Variants in STRN3 observed in about 807,000 individuals in gnomAD.
STRN3 encodes striatin-3.
A neutral mutation model predicts 95.6 loss-of-function variants in STRN3; 29 were observed. The observed-to-expected ratio is 0.30, with a 90% confidence interval of 0.23 to 0.41. The LOEUF (loss-of-function observed/expected upper bound fraction) is 0.41, where lower values mean the gene tolerates loss of function less well. STRN3 is among the 10% of genes least tolerant of loss of function. The probability of loss-of-function intolerance (pLI) is 1.00; values close to 1 mark genes in which losing one functional copy is unlikely to be tolerated. For synonymous variants in STRN3, 331 were observed against 357.6 expected (o/e 0.93, Z 0.84); for missense variants, 890 against 972.1 (o/e 0.92, Z 1.12).
intron 1 of STRN3, among the ~76,000 whole-genome samples, chr14:30,959,882 C>CATT (rs1380468579): frequency 1.3e-5 from 2 of 152,080 alleles, no homozygotes; most frequent in African/African-American, 4.8e-5. Flanking sequence ...TTAACAAAGG[C>CATT]ATTAAAGACA....
intron 1 of STRN3, among the ~76,000 whole-genome samples, chr14:30,975,555 A>AAG (rs71112366): frequency 0.19 from 27,738 of 143,204 alleles, 3,211 homozygotes; most frequent in Non-Finnish European, 0.26. Flanking sequence ...AAAAAAAAAA[A>AAG]AAGAAGAAGA....
At chr14:31,016,734 G>A (rs192761951) in intron 1 of STRN3, among the ~76,000 whole-genome samples, 8 of 152,118 alleles carry the variant, frequency 5.3e-5, no homozygotes, top group South Asian at 2.1e-4. Context: ...TAGTAGAAAC[G>A]GCGTTTCACC....
intron 7 of STRN3, among the ~76,000 whole-genome samples, chr14:30,929,965 A>AAAAAAAAAAAAAAAC (rs1878423009): frequency 2.8e-5 from 4 of 143,360 alleles, no homozygotes; most frequent in African/African-American, 5.2e-5. Flanking sequence ...AAAAAAAAAA[A>AAAAAAAAAAAAAAAC]AAAAAAAAAA....
intron 1 of STRN3, among the ~76,000 whole-genome samples, chr14:30,997,246 A>G (rs925540437): frequency 6.6e-6 from 1 of 152,140 alleles, no homozygotes; most frequent in Non-Finnish European, 1.5e-5. Context: ...AAAATCTTCA[A>G]TCCCCAGTGT....
intron 1 of STRN3, chr14:31,025,683 G>T: frequency 1.4e-6 from 1 of 693,266 alleles, no homozygotes; most frequent in Non-Finnish European, 2.3e-6. Flanking sequence ...GAGGAGGCCC[G>T]CACCGCGTAG....
intron 9 of STRN3, among the ~76,000 whole-genome samples, chr14:30,916,553 G>A (rs1896744972): frequency 6.6e-6 from 1 of 152,032 alleles, no homozygotes; most frequent in Non-Finnish European, 1.5e-5. Context: ...GGGATTACAG[G>A]TGTGAGCCAC....
chr14:30,913,738 A>C, intron 9 of STRN3, 81 bp from the exon 10 acceptor site: 1 of 1,436,636 alleles, frequency 7.0e-7, no homozygotes, highest in Non-Finnish European at 9.4e-7. Flanking sequence ...TTAAGCACTT[A>C]ACAGTTACAA....
intron 1 of STRN3, among the ~76,000 whole-genome samples, chr14:31,011,922 A>AC (rs1882987294): frequency 1.3e-5 from 2 of 151,988 alleles, no homozygotes; most frequent in South Asian, 2.1e-4. Flanking sequence ...TCTACCAAAA[A>AC]TAAAAAAAAA....
rs541247450 is a variant in STRN3 at position 30,981,916 on chromosome 14, G to C, written c.283-25674C>G. Among the ~76,000 whole-genome samples, 5 of 152,046 alleles carry C rather than the reference G, an allele frequency of 3.3e-5. No homozygotes were observed. The South Asian group carries it at 1.0e-3, about 32-fold the overall frequency. Reference sequence around the variant, plus strand: ...TCGAGACCAGCCTGGCCAACATGGTGAAACCCCATCTCTACTAAAAATACA... The same window carrying C: ...TCGAGACCAGCCTGGCCAACATGGTCAAACCCCATCTCTACTAAAAATACA... On this transcript the variant is annotated intron_variant, in intron 1 of 17. Coordinates refer to ENST00000357479, the MANE Select transcript of STRN3 (RefSeq NM_001083893.2).
At chr14:31,019,688 T>C (rs1051768908) in intron 1 of STRN3, among the ~76,000 whole-genome samples, 2 of 152,054 alleles carry the variant, frequency 1.3e-5, no homozygotes, top group Admixed American at 6.6e-5. Flanking sequence ...TCAGGCTTCA[T>C]GGGCATTCTA....
At chr14:30,975,201 T>C (rs1594524457) in intron 1 of STRN3, among the ~76,000 whole-genome samples, 2 of 150,630 alleles carry the variant, frequency 1.3e-5, no homozygotes, top group East Asian at 1.9e-4. Context: ...AAATGTGATA[T>C]ACCATGGAAT....
rs559788339 is a variant in STRN3, at chr14:31,024,376, G to C, written c.282+1528C>G. Among the ~76,000 whole-genome samples the C allele has an allele frequency of 2.0e-5, 3 of 152,286 alleles. No homozygotes were observed. In the South Asian group the frequency reaches 6.2e-4, roughly 32 times the overall value. On this transcript the variant is annotated intron_variant, in intron 1 of 17. Coordinates refer to ENST00000357479, the MANE Select transcript of STRN3 (RefSeq NM_001083893.2). ...TTAAGTTTGCAGTATGTAGTAGAAAGCTGTATACCAACAGAATTCTATAAA... is the reference window on the plus strand; with the variant it reads ...TTAAGTTTGCAGTATGTAGTAGAAACCTGTATACCAACAGAATTCTATAAA...
intron 1 of STRN3, among the ~76,000 whole-genome samples, chr14:31,023,153 A>G (rs1032035896): frequency 6.6e-6 from 1 of 152,208 alleles, no homozygotes; most frequent in African/African-American, 2.4e-5. Flanking sequence ...TGAAGAAAGA[A>G]TCACTTGTAG....
chr14:30,903,518 C>T (rs1896381314), intron 15 of STRN3, among the ~76,000 whole-genome samples: 2 of 152,190 alleles, frequency 1.3e-5, no homozygotes, highest in Non-Finnish European at 2.9e-5. Flanking sequence ...TCTCCTGCTT[C>T]AGTCTCCAAA....
At position 30,959,498 on chromosome 14, in the gene STRN3, C is replaced by T. The variant is rs528532653; in HGVS notation, c.283-3256G>A. On this transcript the variant is annotated intron_variant, in intron 1 of 17. Coordinates refer to ENST00000357479, the MANE Select transcript of STRN3 (RefSeq NM_001083893.2). ...ACTGATTGAAAAGGTAAAGGTTATACCTGATAGTGATAATAACATAATAAT... is the reference window on the plus strand; with the variant it reads ...ACTGATTGAAAAGGTAAAGGTTATATCTGATAGTGATAATAACATAATAAT... Among the ~76,000 whole-genome samples the T allele has an allele frequency of 2.6e-5, 4 of 151,472 alleles. No homozygotes were observed. The South Asian group carries it at 8.4e-4, about 32-fold the overall frequency.
chr14:30,970,986 C>T (rs914189261), intron 1 of STRN3, among the ~76,000 whole-genome samples: 2 of 152,238 alleles, frequency 1.3e-5, no homozygotes, highest in African/African-American at 4.8e-5. Flanking sequence ...TCTCTCTCTG[C>T]TATATCCCAA....
intron 1 of STRN3, among the ~76,000 whole-genome samples, chr14:30,985,454 A>T (rs1419473715): frequency 6.6e-6 from 1 of 152,082 alleles, no homozygotes; most frequent in Non-Finnish European, 1.5e-5. Flanking sequence ...AAATACAAAA[A>T]GTAGCCAGGC....
rs922001430 is a variant in STRN3 at position 31,026,056 on chromosome 14, G to C, written c.130C>G (p.Pro44Ala). Residue 44 changes from proline to alanine, a missense_variant, in exon 1 of 18, where the codon CCG becomes GCG. Coordinates refer to ENST00000357479, the MANE Select transcript of STRN3 (RefSeq NM_001083893.2). ...GCGGGACCCGCTCCCTCGGAGGCCG[G>C]AGGACCCCCGCCGCCCGCCGCTCCG... ...GNGAAGGGGPPASEGAGPAAG... is the reference protein window; with the variant it reads ...GNGAAGGGGPAASEGAGPAAG... The C allele has an allele frequency of 2.6e-6, 4 of 1,523,838 alleles. No homozygotes were observed. Among genetic ancestry groups the C allele is most frequent in the East Asian group, 2.6e-5 (1 of 38,994 alleles). 94.4% of individuals were successfully genotyped at this position (1,523,838 alleles called of 1,614,324 possible).
At chr14:30,908,936 C>G (rs1346985414) in intron 13 of STRN3, among the ~76,000 whole-genome samples, 1 of 152,212 alleles carries the variant, frequency 6.6e-6, no homozygotes, top group East Asian at 1.9e-4. Flanking sequence ...ATATTACCTA[C>G]TTGATATTTG....
Sources: allele counts gnomAD v4.1 joint callset (sites outside exome capture counted in the v4.1 genomes callset), GRCh38; gene constraint gnomAD v4.1.1; transcripts MANE v1.5; gene names NCBI Gene and HGNC (gene_info 2026-07-23, HGNC 2026-07-21).